Variants in UNC5D observed in about 807,000 individuals in gnomAD.
The protein encoded by UNC5D is netrin receptor UNC5D.
A neutral mutation model predicts 105.4 loss-of-function variants in UNC5D; 39 were observed. The observed-to-expected ratio is 0.37, with a 90% CI of 0.29 to 0.48. The LOEUF (loss-of-function observed/expected upper bound fraction) is 0.48. Among genes scored for constraint, UNC5D ranks in the 20% least tolerant of loss-of-function variants. UNC5D has a pLI of 0.98. For missense variants in UNC5D, 991 were observed against 1,202.4 expected (o/e 0.82, Z 2.60); for synonymous variants, 452 against 450.4 (o/e 1.00, Z -0.04).
chr8:35,782,058 T>C (rs1802526153), intron 16 of UNC5D, among the ~76,000 whole-genome samples: 1 of 152,214 alleles, frequency 6.6e-6, no homozygotes, highest in Non-Finnish European at 1.5e-5. Flanking sequence ...TTCCTCTCAC[T>C]GGAAGATACT....
chr8:35,484,072 G>A (rs1158012721), intron 1 of UNC5D, among the ~76,000 whole-genome samples: 2 of 152,128 alleles, frequency 1.3e-5, no homozygotes, highest in Non-Finnish European at 2.9e-5. Flanking sequence ...TGACCCTTAA[G>A]GGAAGGCTGA....
intron 2 of UNC5D, among the ~76,000 whole-genome samples, chr8:35,566,342 C>A (rs1021062839): frequency 6.6e-6 from 1 of 152,044 alleles, no homozygotes; most frequent in Non-Finnish European, 1.5e-5. Context: ...TTTTTTAAAT[C>A]CTGAAACCAA....
intron 2 of UNC5D, among the ~76,000 whole-genome samples, chr8:35,561,160 A>G (rs1007287050): frequency 3.3e-5 from 5 of 152,134 alleles, no homozygotes; most frequent in African/African-American, 1.2e-4. Context: ...AAACCAAGCA[A>G]TCCAGAGGCC....
chr8:35,697,935 T>C (rs1826903546), intron 7 of UNC5D, among the ~76,000 whole-genome samples: 1 of 152,056 alleles, frequency 6.6e-6, no homozygotes, highest in Non-Finnish European at 1.5e-5. Context: ...ATTTTCTTAG[T>C]CATCATAACA....
intron 2 of UNC5D, among the ~76,000 whole-genome samples, chr8:35,552,856 T>A (rs1816267590): frequency 6.6e-6 from 1 of 152,092 alleles, no homozygotes; most frequent in African/African-American, 2.4e-5. Context: ...GACAGTGGAA[T>A]TTGGGAGAGG....
Position 35,774,383 on chromosome 8 carries a change from T to C in UNC5D, c.2563T>C (p.Tyr855His). 2 of 1,614,086 alleles carry C rather than the reference T, an allele frequency of 1.2e-6. No homozygotes were observed. The highest frequency in any genetic ancestry group is 8.5e-7 in the Non-Finnish European group (1 of 1,179,996). ...QTGPKAFKIP[Y>H]SIRQRICATF... ...TGGCCCCAAAGCCTTCAAAATTCCC[T>C]ACTCCATCAGACAGCGGATTTGTGC... Residue 855 changes from tyrosine (Y) to histidine (H), a missense_variant, in exon 16 of 17, where the codon TAC becomes CAC. Physicochemically the swap from Tyr to His is moderately conservative, Grantham distance 83. Transcript: ENST00000404895.
At chr8:35,422,272 C>G (rs148084721) in intron 1 of UNC5D, among the ~76,000 whole-genome samples, 1 of 152,300 alleles carries the variant, frequency 6.6e-6, no homozygotes, top group East Asian at 1.9e-4. Context: ...AAAGAACGTG[C>G]TAATAAAAAC....
intron 16 of UNC5D, among the ~76,000 whole-genome samples, chr8:35,774,734 C>A (rs1466265529): frequency 2.0e-5 from 3 of 152,078 alleles, no homozygotes; most frequent in African/African-American, 7.2e-5. Context: ...AAGTTTGAGA[C>A]CAGCCTGGGC....
intron 11 of UNC5D, among the ~76,000 whole-genome samples, chr8:35,745,495 T>C (rs755628685): frequency 5.0e-4 from 76 of 152,182 alleles, no homozygotes; most frequent in Non-Finnish European, 8.2e-4. Flanking sequence ...ATGCCCACCA[T>C]GCACATGCCT....
At chr8:35,417,189 A>AT (rs1039119612) in intron 1 of UNC5D, among the ~76,000 whole-genome samples, 3 of 151,976 alleles carry the variant, frequency 2.0e-5, no homozygotes, top group African/African-American at 7.3e-5. Flanking sequence ...TTTCACTATC[A>AT]TTTTTGTGCC....
chr8:35,694,531 T>C (rs911493614), intron 7 of UNC5D, among the ~76,000 whole-genome samples: 1 of 152,192 alleles, frequency 6.6e-6, no homozygotes, highest in Non-Finnish European at 1.5e-5. Flanking sequence ...CAGGAACACC[T>C]TGAACAAGTG....
chr8:35,370,720 T>C (rs963738257), intron 1 of UNC5D, among the ~76,000 whole-genome samples: 1 of 152,208 alleles, frequency 6.6e-6, no homozygotes, highest in African/African-American at 2.4e-5. Flanking sequence ...TTCTGTTTGT[T>C]GGTATGGAGC....
At chr8:35,521,033 CAA>C (rs1813428050) in intron 1 of UNC5D, among the ~76,000 whole-genome samples, 1 of 152,038 alleles carries the variant, frequency 6.6e-6, no homozygotes, top group Non-Finnish European at 1.5e-5. Flanking sequence ...CTTTTTCACT[CAA>C]GAGACTGCTA....
intron 1 of UNC5D, among the ~76,000 whole-genome samples, chr8:35,472,432 AG>A (rs1809798419): frequency 6.6e-6 from 1 of 152,078 alleles, no homozygotes. Flanking sequence ...ACAAAAAAAA[AG>A]CCTATTCAGA....
intron 1 of UNC5D, among the ~76,000 whole-genome samples, chr8:35,312,279 T>A (rs1808950826): frequency 6.6e-6 from 1 of 152,190 alleles, no homozygotes; most frequent in South Asian, 2.1e-4. Flanking sequence ...AATATGTAAT[T>A]GTGCTTTTTA....
intron 1 of UNC5D, among the ~76,000 whole-genome samples, chr8:35,393,531 T>C (rs1227124319): frequency 2.0e-5 from 3 of 152,216 alleles, no homozygotes; most frequent in Non-Finnish European, 4.4e-5. Context: ...TTTGAGTTTT[T>C]ATATCTCACT....
chr8:35,558,341 A>C (rs1310262687), intron 2 of UNC5D, among the ~76,000 whole-genome samples: 5 of 152,180 alleles, frequency 3.3e-5, no homozygotes. Context: ...CAAAATAATA[A>C]TACTACAAAA....
chr8:35,634,288 C>A (rs150472673), intron 4 of UNC5D, among the ~76,000 whole-genome samples: 143 of 152,324 alleles, frequency 9.4e-4, no homozygotes, highest in African/African-American at 3.1e-3. Flanking sequence ...AAGCACGGCA[C>A]ACGCATTTTC....
chr8:35,445,602 G>C (rs1335993658), intron 1 of UNC5D, among the ~76,000 whole-genome samples: 2 of 152,002 alleles, frequency 1.3e-5, no homozygotes, highest in East Asian at 1.9e-4. Flanking sequence ...AACAAGTGTT[G>C]AAGGTGAGCT....
Sources: allele counts gnomAD v4.1 joint callset (sites outside exome capture counted in the v4.1 genomes callset), GRCh38; gene constraint gnomAD v4.1.1; transcripts MANE v1.5; gene names NCBI Gene and HGNC (gene_info 2026-07-23, HGNC 2026-07-21).